GABRB2: variants seen among roughly 807,000 people sequenced by gnomAD.
GABRB2 encodes gamma-aminobutyric acid receptor subunit beta-2.
Under a neutral mutation model 54.7 loss-of-function variants are expected in GABRB2, and 16 were observed. The ratio of observed to expected loss-of-function variants is 0.29; its 90% CI spans 0.20 to 0.44. The LOEUF is 0.44. GABRB2 is among the 20% of genes least tolerant of loss of function. The probability of loss-of-function intolerance (pLI) is 1.00; values close to 1 mark genes in which losing one functional copy is unlikely to be tolerated. For synonymous variants in GABRB2, 244 were observed against 233.8 expected (o/e 1.04, Z -0.40); for missense variants, 355 against 644.0 (o/e 0.55, Z 4.86).
chr5:161,340,848 C>T (rs1370656470), intron 5 of GABRB2, among the ~76,000 whole-genome samples: 3 of 151,970 alleles, frequency 2.0e-5, no homozygotes, highest in Non-Finnish European at 2.9e-5. Flanking sequence ...AGCTGTTCAA[C>T]CACATTTATA....
At chr5:161,453,564 C>G (rs1757856313) in intron 4 of GABRB2, among the ~76,000 whole-genome samples, 1 of 152,168 alleles carries the variant, frequency 6.6e-6, no homozygotes, top group African/African-American at 2.4e-5. Flanking sequence ...CTGGTGACTT[C>G]ATTTTGGACT....
Position 161,546,688 on chromosome 5 carries a change from G to C in GABRB2, c.-45C>G. ...ATTGAGGGTTTCACTGAAGAGAGGA[G>C]ATCCAACTTAGTCTGCCCAGTGCAG... On this transcript the variant is annotated 5_prime_UTR_variant, in exon 1 of 10. In the 5' UTR this introduces an upstream ATG that the reference lacks. Coordinates refer to ENST00000393959, the MANE Select transcript of GABRB2 (RefSeq NM_001371727.1). The C allele has an allele frequency of 6.4e-7, 1 of 1,557,828 alleles. No homozygotes were observed. Among genetic ancestry groups the C allele is most frequent in the Admixed American group, 1.9e-5 (1 of 51,436 alleles).
chr5:161,352,919 A>G (rs140156895), intron 5 of GABRB2, among the ~76,000 whole-genome samples: 1,820 of 152,118 alleles, frequency 0.012, 34 homozygotes, highest in African/African-American at 0.04. Context: ...AATTTTTGGA[A>G]TCAGGTAGAT....
chr5:161,377,745 A>C (rs1755351119), intron 5 of GABRB2, among the ~76,000 whole-genome samples: 1 of 152,088 alleles, frequency 6.6e-6, no homozygotes, highest in African/African-American at 2.4e-5. Flanking sequence ...AGGATCCTAG[A>C]GATTTCAACA....
chr5:161,363,792 A>G (rs572491033), intron 5 of GABRB2, among the ~76,000 whole-genome samples: 2 of 152,268 alleles, frequency 1.3e-5, no homozygotes, highest in Non-Finnish European at 2.9e-5. Context: ...AAGGCTGGAT[A>G]GAACATTAGG....
chr5:161,398,926 T>C (rs1183970127), intron 5 of GABRB2, among the ~76,000 whole-genome samples: 2 of 152,040 alleles, frequency 1.3e-5, no homozygotes, highest in Non-Finnish European at 2.9e-5. Flanking sequence ...TTCACTGTTT[T>C]ATTTTTTGCC....
intron 5 of GABRB2, among the ~76,000 whole-genome samples, chr5:161,339,767 C>G (rs1754100082): frequency 6.6e-6 from 1 of 151,858 alleles, no homozygotes; most frequent in Non-Finnish European, 1.5e-5. Context: ...TTGTCTTTAT[C>G]TCATCGTTGA....
chr5:161,423,137 T>G (rs1400642681), intron 4 of GABRB2, among the ~76,000 whole-genome samples: 2 of 152,000 alleles, frequency 1.3e-5, no homozygotes, highest in African/African-American at 2.4e-5. Context: ...CAGGTTGTTT[T>G]TGTGTGTGTG....
At chr5:161,431,800 A>G (rs1041439499) in intron 4 of GABRB2, among the ~76,000 whole-genome samples, 1 of 152,210 alleles carries the variant, frequency 6.6e-6, no homozygotes, top group Non-Finnish European at 1.5e-5. Context: ...CCTAAGGTGG[A>G]TATTAATCAA....
At chr5:161,490,507 T>G (rs1009055438) in intron 3 of GABRB2, among the ~76,000 whole-genome samples, 7 of 151,614 alleles carry the variant, frequency 4.6e-5, no homozygotes, top group African/African-American at 1.5e-4. Context: ...CTTATGAGGC[T>G]TAATTGAGAT....
chr5:161,405,418 C>A (rs1454378124), intron 5 of GABRB2, among the ~76,000 whole-genome samples: 2 of 152,100 alleles, frequency 1.3e-5, no homozygotes, highest in Admixed American at 6.6e-5. Context: ...GCACAAAGAT[C>A]TCTATCTTGA....
At chr5:161,299,454 T>C (rs1422125223) in intron 9 of GABRB2, among the ~76,000 whole-genome samples, 1 of 152,158 alleles carries the variant, frequency 6.6e-6, no homozygotes, top group Non-Finnish European at 1.5e-5. Flanking sequence ...ATCAACAGAA[T>C]CTGCTGAGAT....
intron 9 of GABRB2, among the ~76,000 whole-genome samples, chr5:161,298,146 TGTTTA>T (rs1484727169): frequency 6.6e-6 from 1 of 152,206 alleles, no homozygotes; most frequent in African/African-American, 2.4e-5. Context: ...CTTGTTAATT[TGTTTA>T]AGTTCCTTAT....
intron 9 of GABRB2, among the ~76,000 whole-genome samples, chr5:161,297,925 C>T (rs955710312): frequency 6.6e-6 from 1 of 152,150 alleles, no homozygotes; most frequent in Non-Finnish European, 1.5e-5. Context: ...CCTATTTCTC[C>T]ACATCCTCTC....
chr5:161,392,988 C>G (rs1054119355), intron 5 of GABRB2, among the ~76,000 whole-genome samples: 1 of 151,856 alleles, frequency 6.6e-6, no homozygotes, highest in East Asian at 1.9e-4. Flanking sequence ...GTTAACAGTA[C>G]AATTCTGGGA....
intron 4 of GABRB2, among the ~76,000 whole-genome samples, chr5:161,413,360 G>A (rs1756575757): frequency 6.6e-6 from 1 of 151,792 alleles, no homozygotes; most frequent in South Asian, 2.1e-4. Flanking sequence ...ATTTAATTAA[G>A]ATTACATAAA....
intron 3 of GABRB2, 117 bp from the exon 4 acceptor site, chr5:161,459,961 T>G (rs367825703): frequency 1.1e-5 from 7 of 630,252 alleles, no homozygotes; most frequent in African/African-American, 9.2e-5. Context: ...TTTTATTTTT[T>G]TGAGACAGGG....
At chr5:161,543,171 T>C (rs536082210) in intron 3 of GABRB2, among the ~76,000 whole-genome samples, 33 of 152,238 alleles carry the variant, frequency 2.2e-4, no homozygotes, top group Non-Finnish European at 4.4e-4. Flanking sequence ...TATTCATTTT[T>C]GCACTTCAAC....
chr5:161,352,554 G>A (rs1580908318), intron 5 of GABRB2, among the ~76,000 whole-genome samples: 1 of 152,102 alleles, frequency 6.6e-6, no homozygotes, highest in East Asian at 1.9e-4. Flanking sequence ...AGGCTGGCAG[G>A]AGTGGGACTG....
Sources: allele counts gnomAD v4.1 joint callset (sites outside exome capture counted in the v4.1 genomes callset), GRCh38; gene constraint gnomAD v4.1.1; transcripts MANE v1.5; gene names NCBI Gene and HGNC (gene_info 2026-07-23, HGNC 2026-07-21).